The following PCDHGB3 variants were observed in gnomAD, a reference collection of about 807,000 sequenced individuals.
PCDHGB3 encodes the protein protocadherin gamma-B3.
Under a neutral mutation model 59.2 loss-of-function variants are expected in PCDHGB3, and 40 were observed. That is an observed-to-expected ratio of 0.68 (90% confidence interval 0.52 to 0.88). The LOEUF (loss-of-function observed/expected upper bound fraction) is 0.88, where lower values mean the gene tolerates loss of function less well. PCDHGB3 is among the 40% of genes least tolerant of loss of function. The probability of loss-of-function intolerance (pLI) is 0.00; values close to 1 mark genes in which losing one functional copy is unlikely to be tolerated. For missense variants in PCDHGB3, 1,309 were observed against 1,187.9 expected (o/e 1.10, Z -1.50); for synonymous variants, 581 against 503.6 (o/e 1.15, Z -2.06).
Position 141,486,886 on chromosome 5 carries a change from G to A in PCDHGB3, c.2416-7921G>A. The A allele has an allele frequency of 1.9e-6, 3 of 1,614,222 alleles. No individual in the cohort carries two copies. The highest frequency in any genetic ancestry group is 2.5e-6 in the Non-Finnish European group (3 of 1,180,044). ...CAGCTGTGCTCCGTCCTCGGGCCCGGCCTGGTTCCTTATGTCCCCAAGCAC... is the reference window on the plus strand; with the variant it reads ...CAGCTGTGCTCCGTCCTCGGGCCCGACCTGGTTCCTTATGTCCCCAAGCAC... On this transcript the variant is annotated intron_variant, in intron 1 of 3. Coordinates refer to ENST00000576222, the MANE Select transcript of PCDHGB3 (RefSeq NM_018924.5). This position sits in a 1 kb window ranked among gnomAD's most constrained non-coding sequence, Gnocchi z 5.0.
chr5:141,403,879 T>C (rs981085034), intron 1 of PCDHGB3: 19 of 1,613,692 alleles, frequency 1.2e-5, no homozygotes, highest in Non-Finnish European at 1.6e-5. Context: ...GTCTAGATTA[T>C]GAAGAATGTT....
At position 141,432,204 on chromosome 5, in the gene PCDHGB3, A is replaced by G. The variant is rs1204867610; in HGVS notation, c.2415+59395A>G. On this transcript the variant is annotated intron_variant, in intron 1 of 3. Coordinates refer to ENST00000576222, the MANE Select transcript of PCDHGB3 (RefSeq NM_018924.5). This position sits in a 1 kb window ranked among gnomAD's most constrained non-coding sequence, Gnocchi z 6.0. ...GTGACCGCCCACGACCCCGACTGTG[A>G]AGAGAACGCCCAGATCACTTATTCC... 1.9e-6 allele frequency: 3 copies of G among 1,614,070 alleles called. No homozygotes were observed. Among genetic ancestry groups the G allele is most frequent in the African/African-American group, 2.7e-5 (2 of 74,928 alleles).
intron 1 of PCDHGB3, chr5:141,405,445 A>G: frequency 7.3e-7 from 1 of 1,360,898 alleles, no homozygotes; most frequent in Non-Finnish European, 1.0e-6. Context: ...TTTGAGACAG[A>G]GTCTTACTCT....
At position 141,498,971 on chromosome 5, in the gene PCDHGB3, G is replaced by GGGAAGGAAGGAA. The variant is rs201769957; in HGVS notation, c.2474+4152_2474+4163dup. On this transcript the variant is annotated intron_variant, in intron 2 of 3. Coordinates refer to ENST00000576222, the MANE Select transcript of PCDHGB3 (RefSeq NM_018924.5). ...AAAAAGAGAGAGAGGGAGGGAGGGA[G>GGGAAGGAAGGAA]GGAAGGAAGGAAGGAAGGAAGGAAG... 6.8e-3 allele frequency among the ~76,000 whole-genome samples: 758 copies of GGGAAGGAAGGAA among 111,036 alleles called. 12 individuals are homozygous for GGGAAGGAAGGAA. Among genetic ancestry groups the GGGAAGGAAGGAA allele is most frequent in the African/African-American group, 0.021 (585 of 27,816 alleles). 72.8% of individuals were successfully genotyped at this position (111,036 alleles called of 152,430 possible). A position where few individuals can be genotyped will look rare whatever the true frequency, so the allele number is the denominator to read the frequency against.
At chr5:141,459,375 C>T (rs973503237) in intron 1 of PCDHGB3, among the ~76,000 whole-genome samples, 2 of 152,194 alleles carry the variant, frequency 1.3e-5, no homozygotes, top group African/African-American at 4.8e-5. Flanking sequence ...GTATCAGCAG[C>T]GTGTTCCATT....
At position 141,404,735 on chromosome 5, in the gene PCDHGB3, G is replaced by A. The variant is rs2094561317; in HGVS notation, c.2415+31926G>A. The stretch of plus-strand genomic sequence containing the variant: ...CCTGGTGACCAAGGTGGTGGCAGTG[G>A]ACAGAGACTCAGGCCAGAATGCTTG... On this transcript the variant is annotated intron_variant, in intron 1 of 3. Transcript: ENST00000576222. 6.2e-7 allele frequency: 1 copy of A among 1,614,014 alleles called. No homozygotes were observed. The highest frequency in any genetic ancestry group is 8.5e-7 in the Non-Finnish European group (1 of 1,180,032).
Position 141,476,819 on chromosome 5 carries a change from C to T in PCDHGB3, c.2416-17988C>T. ...CAGCCTGCCTATTCACATCAAGGTGCTGGACGCGAATGACAATGCGCCTGT... is the reference window on the plus strand; with the variant it reads ...CAGCCTGCCTATTCACATCAAGGTGTTGGACGCGAATGACAATGCGCCTGT... On this transcript the variant is annotated intron_variant, in intron 1 of 3. Coordinates refer to ENST00000576222, the MANE Select transcript of PCDHGB3 (RefSeq NM_018924.5). The surrounding 1 kb of genome is among the most constrained non-coding windows in gnomAD (Gnocchi z 7.6). 6.2e-7 allele frequency: 1 copy of T among 1,613,524 alleles called. No homozygotes were observed. The highest frequency in any genetic ancestry group is 8.5e-7 in the Non-Finnish European group (1 of 1,180,036).
At chr5:141,462,584 A>C (rs959398950) in intron 1 of PCDHGB3, among the ~76,000 whole-genome samples, 1 of 152,124 alleles carries the variant, frequency 6.6e-6, no homozygotes, top group African/African-American at 2.4e-5. Context: ...CATCCAGTGA[A>C]GTTTCCATTT....
intron 1 of PCDHGB3, among the ~76,000 whole-genome samples, chr5:141,450,829 A>AT (rs373424450): frequency 7.2e-4 from 97 of 135,128 alleles, no homozygotes; most frequent in East Asian, 1.8e-3. Flanking sequence ...TATTATTATT[A>AT]TTTTTTTTTT....
rs2099750805 is a variant in PCDHGB3, at chr5:141,493,915, T to C, written c.2416-892T>C. ...TGCTCCATGAGAGTGTGTGATGGGA[T>C]AACACACCCCCTGGAAAGACCAGAA... On this transcript the variant is annotated intron_variant, in intron 1 of 3. Transcript: ENST00000576222. This position sits in a 1 kb window ranked among gnomAD's most constrained non-coding sequence, Gnocchi z 4.3. Among the ~76,000 whole-genome samples, 1 of 152,024 alleles carries C rather than the reference T, an allele frequency of 6.6e-6. No homozygotes were observed. Among genetic ancestry groups the C allele is most frequent in the African/African-American group, 2.4e-5 (1 of 41,386 alleles).
At chr5:141,474,106 A>G (rs1334111464) in intron 1 of PCDHGB3, among the ~76,000 whole-genome samples, 1 of 152,108 alleles carries the variant, frequency 6.6e-6, no homozygotes, top group African/African-American at 2.4e-5. Flanking sequence ...CAACAAAAAC[A>G]ACAACAACGA....
chr5:141,496,146 G>T (rs749790409), intron 2 of PCDHGB3, among the ~76,000 whole-genome samples: 1 of 151,170 alleles, frequency 6.6e-6, no homozygotes, highest in South Asian at 2.1e-4. Flanking sequence ...GCCTTTGATC[G>T]CAGCTCTCCA....
chr5:141,472,928 G>A (rs926768431), intron 1 of PCDHGB3, among the ~76,000 whole-genome samples: 13 of 150,136 alleles, frequency 8.7e-5, no homozygotes, highest in Admixed American at 2.7e-4. Flanking sequence ...GGAGGTTGTG[G>A]TGAGCCAAGA....
At chr5:141,378,732 A>G (rs1311282729) in intron 1 of PCDHGB3, 1 of 152,232 alleles carries the variant, frequency 6.6e-6, no homozygotes, top group Admixed American at 6.5e-5. Context: ...CTCTTTATTG[A>G]AATATTTCAA....
Position 141,511,669 on chromosome 5 carries a change from T to C in PCDHGB3, c.*496T>C, listed in dbSNP as rs1468492336. 1 of 199,424 alleles carries C rather than the reference T, an allele frequency of 5.0e-6. No individual in the cohort carries two copies. The highest frequency in any genetic ancestry group is 2.3e-5 in the African/African-American group (1 of 43,748). The allele number at this position is 199,424 out of a possible 1,614,324, so 12.4% of individuals were successfully genotyped here. ...TCTTGGCCTCTCCTTTGATTCTCAA[T>C]CTTCCCCCAAAGCATGGTTTGGTGC... On this transcript the variant is annotated 3_prime_UTR_variant, in exon 4 of 4. Coordinates refer to ENST00000576222, the MANE Select transcript of PCDHGB3 (RefSeq NM_018924.5).
intron 1 of PCDHGB3, chr5:141,388,970 A>G (rs1561622326): frequency 6.2e-7 from 1 of 1,613,928 alleles, no homozygotes; most frequent in East Asian, 2.2e-5. Flanking sequence ...AGCTGGGAAC[A>G]CATATTGCTT....
chr5:141,375,059 G>C, intron 1 of PCDHGB3: 1 of 1,614,038 alleles, frequency 6.2e-7, no homozygotes, highest in Non-Finnish European at 8.5e-7. Flanking sequence ...GGATGGGCCA[G>C]GTCTTCGAGA....
chr5:141,492,557 G>A (rs2154587614), intron 1 of PCDHGB3, among the ~76,000 whole-genome samples: 1 of 152,350 alleles, frequency 6.6e-6, no homozygotes, highest in East Asian at 1.9e-4. Flanking sequence ...TCGCCTGGGG[G>A]GCGGCCTGAG....
chr5:141,451,165 A>G (rs2098709571), intron 1 of PCDHGB3, among the ~76,000 whole-genome samples: 1 of 152,116 alleles, frequency 6.6e-6, no homozygotes, highest in Admixed American at 6.6e-5. Context: ...TTTTGGTAGT[A>G]TATTATTTAG....
Sources: allele counts gnomAD v4.1 joint callset (sites outside exome capture counted in the v4.1 genomes callset), GRCh38; gene constraint gnomAD v4.1.1; non-coding constraint Gnocchi (gnomAD v3.1); transcripts MANE v1.5; gene names NCBI Gene and HGNC (gene_info 2026-07-23, HGNC 2026-07-21).